ZNF438: variants seen among roughly 807,000 people sequenced by gnomAD.
ZNF438 encodes zinc finger protein 438.
In ZNF438, 25 loss-of-function variants were observed where a neutral mutation model predicts 38.0. The ratio of observed to expected loss-of-function variants is 0.66; its 90% CI spans 0.48 to 0.92. The LOEUF is 0.92. Ranked by LOEUF, ZNF438 falls within the 40% of genes least tolerant of loss-of-function variation. The pLI, the probability that ZNF438 is intolerant of heterozygous loss-of-function variation, is 0.00. For missense variants in ZNF438, 1,007 were observed against 999.6 expected (o/e 1.01, Z -0.10); for synonymous variants, 372 against 364.1 (o/e 1.02, Z -0.25).
At chr10:30,912,272 G>A (rs1459811931) in intron 2 of ZNF438, among the ~76,000 whole-genome samples, 1 of 152,040 alleles carries the variant, frequency 6.6e-6, no homozygotes. Context: ...TGTCAAAGTT[G>A]TCCACAGACA....
intron 1 of ZNF438, among the ~76,000 whole-genome samples, chr10:31,009,172 T>C (rs182367697): frequency 6.6e-6 from 1 of 152,328 alleles, no homozygotes; most frequent in Non-Finnish European, 1.5e-5. Flanking sequence ...TTATCAGATA[T>C]ATAATTTGCA....
chr10:30,898,100 A>G (rs911832191), intron 3 of ZNF438, among the ~76,000 whole-genome samples: 2 of 152,220 alleles, frequency 1.3e-5, no homozygotes, highest in African/African-American at 4.8e-5. Flanking sequence ...TAGTCTAAGT[A>G]AAGGCATATA....
chr10:30,862,874 C>T (rs748165517), intron 4 of ZNF438, among the ~76,000 whole-genome samples: 13 of 152,262 alleles, frequency 8.5e-5, no homozygotes, highest in Admixed American at 2.0e-4. Flanking sequence ...ACAAAGATAT[C>T]GCTTTTATAC....
At chr10:30,863,505 T>C (rs1480150625) in intron 4 of ZNF438, among the ~76,000 whole-genome samples, 2 of 152,230 alleles carry the variant, frequency 1.3e-5, no homozygotes, top group African/African-American at 2.4e-5. Context: ...TTGGATTCCT[T>C]TGCCTTTGAA....
rs1444105461 is a variant in ZNF438 at position 30,984,442 on chromosome 10, GTAT to G, written c.-191-42794_-191-42792del. 1.2e-4 allele frequency: 18 copies of G among 152,098 alleles called. No individual in the cohort carries two copies. Among genetic ancestry groups the G allele is most frequent in the African/African-American group, 4.3e-4 (18 of 41,494 alleles). 9.4% of individuals were successfully genotyped at this position (152,098 alleles called of 1,614,324 possible). ...TTAATTAATTCTGTAACAATACAAA[GTAT>G]TATTATAATCATATTCAGATAATCC... On this transcript the variant is annotated intron_variant, in intron 1 of 5. Coordinates refer to ENST00000413025, the Ensembl canonical transcript of ZNF438.
rs1016347221 is a variant in ZNF438, at chr10:30,881,909, T to C, written c.-31-4844A>G. ...ACTTTGAGCCACACCTCACACCATATACAAAATTTGAAATGCATCATATAC... is the reference window on the plus strand; with the variant it reads ...ACTTTGAGCCACACCTCACACCATACACAAAATTTGAAATGCATCATATAC... On this transcript the variant is annotated intron_variant, in intron 3 of 5. Coordinates refer to ENST00000413025, the Ensembl canonical transcript of ZNF438. Among the ~76,000 whole-genome samples the C allele has an allele frequency of 2.6e-5, 4 of 152,240 alleles. No individual in the cohort carries two copies. In the East Asian group the frequency reaches 5.8e-4, roughly 22 times the overall value.
chr10:30,980,197 G>A (rs928513950), intron 1 of ZNF438, among the ~76,000 whole-genome samples: 1 of 150,920 alleles, frequency 6.6e-6, no homozygotes, highest in African/African-American at 2.4e-5. Flanking sequence ...CATCCTGTGT[G>A]TGCTGGGTAG....
intron 3 of ZNF438, among the ~76,000 whole-genome samples, chr10:30,890,928 TA>T (rs1354278466): frequency 3.3e-5 from 5 of 152,244 alleles, no homozygotes. Context: ...AAATGTCGGA[TA>T]ATTTTTGTGG....
chr10:30,920,469 GATTA>G (rs2044165968), intron 2 of ZNF438: 1 of 152,184 alleles, frequency 6.6e-6, no homozygotes, highest in Non-Finnish European at 1.5e-5. Flanking sequence ...AGTTTTTCTG[GATTA>G]ATTTTTCCTT....
chr10:30,875,948 AAAC>A (rs1287444714), intron 4 of ZNF438, among the ~76,000 whole-genome samples: 10 of 152,264 alleles, frequency 6.6e-5, no homozygotes, highest in Admixed American at 3.3e-4. Flanking sequence ...CCTACTATGC[AAAC>A]AACAATATGC....
intron 4 of ZNF438, among the ~76,000 whole-genome samples, chr10:30,874,141 T>C (rs2038019519): frequency 1.2e-5 from 1 of 80,914 alleles, no homozygotes; most frequent in Non-Finnish European, 2.4e-5. Context: ...TATATATATA[T>C]ATATATATAT....
Position 30,864,552 on chromosome 10 carries a change from G to C in ZNF438, c.37+12446C>G, listed in dbSNP as rs116121774. Among the ~76,000 whole-genome samples, 11 of 152,352 alleles carry C rather than the reference G, an allele frequency of 7.2e-5. No individual in the cohort carries two copies. In the South Asian group the frequency reaches 2.3e-3, roughly 32 times the overall value. On this transcript the variant is annotated intron_variant, in intron 4 of 5. Coordinates refer to ENST00000413025, the Ensembl canonical transcript of ZNF438. Reference sequence around the variant, plus strand: ...CTAAAATGTGAGCTCCAAAAGAGCAGGGGTTTGTTTTGTTACTGACAGGGT... The same window carrying C: ...CTAAAATGTGAGCTCCAAAAGAGCACGGGTTTGTTTTGTTACTGACAGGGT...
At chr10:30,899,781 G>T (rs1338711774) in intron 3 of ZNF438, among the ~76,000 whole-genome samples, 1 of 151,984 alleles carries the variant, frequency 6.6e-6, no homozygotes, top group Non-Finnish European at 1.5e-5. Context: ...ATCTACTAGA[G>T]TTTAATTAAC....
At chr10:30,910,745 T>C (rs2043000214) in intron 2 of ZNF438, among the ~76,000 whole-genome samples, 2 of 150,542 alleles carry the variant, frequency 1.3e-5, no homozygotes, top group Non-Finnish European at 3.0e-5. Context: ...TTACCTATGG[T>C]AAAAATAAAC....
chr10:30,894,764 C>T (rs2041120125), intron 3 of ZNF438, among the ~76,000 whole-genome samples: 1 of 152,148 alleles, frequency 6.6e-6, no homozygotes, highest in South Asian at 2.1e-4. Context: ...TTAAATATCT[C>T]AGAAAACCAT....
At chr10:30,932,018 G>T (rs1182624464) in intron 2 of ZNF438, among the ~76,000 whole-genome samples, 1 of 152,158 alleles carries the variant, frequency 6.6e-6, no homozygotes, top group Admixed American at 6.5e-5. Flanking sequence ...TTAGAAGTCA[G>T]TGTTCCTTGG....
chr10:30,949,520 G>A (rs1480139091), intron 1 of ZNF438, among the ~76,000 whole-genome samples: 1 of 152,186 alleles, frequency 6.6e-6, no homozygotes, highest in Admixed American at 6.5e-5. Flanking sequence ...CATGTGCAGA[G>A]ACACATATAG....
chr10:30,881,862 T>C (rs1020261626), intron 3 of ZNF438, among the ~76,000 whole-genome samples: 1 of 152,148 alleles, frequency 6.6e-6, no homozygotes, highest in African/African-American at 2.4e-5. Flanking sequence ...ATGCTTTCTC[T>C]GTATGCAAAA....
intron 3 of ZNF438, among the ~76,000 whole-genome samples, chr10:30,887,522 G>A (rs1001027091): frequency 6.6e-6 from 1 of 152,090 alleles, no homozygotes; most frequent in African/African-American, 2.4e-5. Flanking sequence ...CTGAGTAGCT[G>A]GGATTACAGA....
Sources: allele counts gnomAD v4.1 joint callset (sites outside exome capture counted in the v4.1 genomes callset), GRCh38; gene constraint gnomAD v4.1.1; transcripts MANE v1.5; gene names NCBI Gene and HGNC (gene_info 2026-07-23, HGNC 2026-07-21).